Variants in KCND2 observed in about 807,000 individuals in gnomAD.
KCND2 encodes potassium voltage-gated channel subfamily D member 2.
A neutral mutation model predicts 54.4 loss-of-function variants in KCND2; 16 were observed. That is an observed-to-expected ratio of 0.29 (90% CI 0.20 to 0.45). The LOEUF is 0.45. KCND2 is among the 20% of genes least tolerant of loss of function. The pLI is 1.00. For missense variants in KCND2, 486 were observed against 824.2 expected (o/e 0.59, Z 5.02); for synonymous variants, 317 against 310.7 (o/e 1.02, Z -0.21).
At chr7:120,527,441 T>C (rs1470752265) in intron 1 of KCND2, among the ~76,000 whole-genome samples, 3 of 152,166 alleles carry the variant, frequency 2.0e-5, no homozygotes, top group Admixed American at 1.3e-4. Flanking sequence ...TTGCTAAGTA[T>C]ACATTAGCCC....
At position 120,289,067 on chromosome 7, in the gene KCND2, CACACACACACAG is replaced by C. The variant is rs763540820; in HGVS notation, c.1115+13322_1115+13333del. On this transcript the variant is annotated intron_variant, in intron 1 of 5. Coordinates refer to ENST00000331113, the MANE Select transcript of KCND2 (RefSeq NM_012281.3). ...ACACACACACACACACACACACACA[CACACACACACAG>C]AGAGAGAGAGAGAGACTAGGAGAAA... is the stretch of plus-strand genomic sequence containing the variant. Among the ~76,000 whole-genome samples, 202 of 38,380 alleles carry C rather than the reference CACACACACACAG, an allele frequency of 5.3e-3. 1 individual carries two copies. The highest frequency in any genetic ancestry group is 0.02 in the Middle Eastern group (1 of 50). 25.2% of individuals were successfully genotyped at this position (38,380 alleles called of 152,430 possible). A position where few individuals can be genotyped will look rare whatever the true frequency, so the allele number is the denominator to read the frequency against.
chr7:120,324,126 A>G (rs1344224124), intron 1 of KCND2, among the ~76,000 whole-genome samples: 3 of 149,206 alleles, frequency 2.0e-5, no homozygotes, highest in African/African-American at 5.0e-5. Context: ...CATGTCCTTC[A>G]CCCACTTTTT....
At chr7:120,409,073 A>G (rs947136271) in intron 1 of KCND2, among the ~76,000 whole-genome samples, 4 of 151,922 alleles carry the variant, frequency 2.6e-5, no homozygotes, top group Non-Finnish European at 5.9e-5. Flanking sequence ...TCATTGCTAC[A>G]TATTTTAATA....
intron 1 of KCND2, among the ~76,000 whole-genome samples, chr7:120,355,234 C>T (rs1401955804): frequency 6.6e-6 from 1 of 152,156 alleles, no homozygotes; most frequent in African/African-American, 2.4e-5. Context: ...TGTGCCAGAA[C>T]ACTTTCAGTA....
At chr7:120,618,008 C>CA (rs1424398142) in intron 1 of KCND2, among the ~76,000 whole-genome samples, 1 of 151,876 alleles carries the variant, frequency 6.6e-6, no homozygotes, top group East Asian at 1.9e-4. Context: ...AGAGCCTACT[C>CA]AAACAGTGAG....
intron 1 of KCND2, among the ~76,000 whole-genome samples, chr7:120,699,002 C>T (rs150579387): frequency 0.048 from 7,250 of 152,052 alleles, 259 homozygotes; most frequent in Non-Finnish European, 0.07. Context: ...TTAAATCAGC[C>T]GGGCACGGTG....
chr7:120,678,849 G>T (rs1335454343), intron 1 of KCND2, among the ~76,000 whole-genome samples: 3 of 149,892 alleles, frequency 2.0e-5, no homozygotes, highest in Non-Finnish European at 4.5e-5. Context: ...AGCTTGAGTT[G>T]TGTATATGTT....
chr7:120,703,716 T>C (rs1485113059), intron 1 of KCND2, among the ~76,000 whole-genome samples: 1 of 152,100 alleles, frequency 6.6e-6, no homozygotes, highest in Non-Finnish European at 1.5e-5. Context: ...GGAGGAGAAA[T>C]GCTGATACAT....
At chr7:120,447,453 T>C (rs1161837581) in intron 1 of KCND2, among the ~76,000 whole-genome samples, 1 of 151,922 alleles carries the variant, frequency 6.6e-6, no homozygotes, top group Non-Finnish European at 1.5e-5. Context: ...GAAGATGTAA[T>C]ACTTGGAGCT....
intron 1 of KCND2, among the ~76,000 whole-genome samples, chr7:120,456,490 G>C (rs1407619254): frequency 6.6e-6 from 1 of 152,124 alleles, no homozygotes; most frequent in Non-Finnish European, 1.5e-5. Flanking sequence ...ATAGCAACTA[G>C]AGAAATTCAA....
chr7:120,500,085 A>G (rs896607895), intron 1 of KCND2, among the ~76,000 whole-genome samples: 1 of 152,182 alleles, frequency 6.6e-6, no homozygotes, highest in Non-Finnish European at 1.5e-5. Context: ...TCTTAGTCCC[A>G]AATGTTTTAT....
intron 1 of KCND2, among the ~76,000 whole-genome samples, chr7:120,391,706 A>G (rs181473069): frequency 6.6e-6 from 1 of 152,092 alleles, no homozygotes; most frequent in Admixed American, 6.6e-5. Context: ...TGGCCACATA[A>G]ATGTCTTCTT....
chr7:120,344,546 A>G (rs557489528), intron 1 of KCND2, among the ~76,000 whole-genome samples: 1 of 152,334 alleles, frequency 6.6e-6, no homozygotes, highest in Admixed American at 6.5e-5. Context: ...CGACTGAAGG[A>G]TAAGATAGGA....
chr7:120,642,396 T>TAAA (rs35453111), intron 1 of KCND2, among the ~76,000 whole-genome samples: 1 of 99,720 alleles, frequency 1.0e-5, no homozygotes. Context: ...CCTTCTCTAC[T>TAAA]AAAAAAAAAA....
At chr7:120,298,578 T>A (rs1384570932) in intron 1 of KCND2, among the ~76,000 whole-genome samples, 1 of 152,216 alleles carries the variant, frequency 6.6e-6, no homozygotes, top group Non-Finnish European at 1.5e-5. Context: ...TAAAAATAAG[T>A]GTTGAGAACC....
intron 1 of KCND2, among the ~76,000 whole-genome samples, chr7:120,610,610 G>A (rs1006981820): frequency 2.6e-5 from 4 of 152,050 alleles, no homozygotes; most frequent in Admixed American, 6.6e-5. Flanking sequence ...CGGGTCTGCA[G>A]ACTTGTACAA....
Position 120,274,285 on chromosome 7 carries a change from G to A in KCND2, c.-348G>A, listed in dbSNP as rs45474692. 13,357 of 423,640 alleles carry A rather than the reference G, an allele frequency of 0.032. 279 individuals are homozygous for A. Among genetic ancestry groups the A allele is most frequent in the Non-Finnish European group, 0.046 (10,498 of 230,372 alleles). 26.2% of individuals were successfully genotyped at this position (423,640 alleles called of 1,614,324 possible). Reference sequence around the variant, plus strand: ...CCTATATTATCCAGACTGTGCCGGGGAGAAATCAAAAACACCTGTTTGAAG... The same window carrying A: ...CCTATATTATCCAGACTGTGCCGGGAAGAAATCAAAAACACCTGTTTGAAG... On this transcript the variant is annotated 5_prime_UTR_variant, in exon 1 of 6. Coordinates refer to ENST00000331113, the MANE Select transcript of KCND2 (RefSeq NM_012281.3).
rs1792734566 is a variant in KCND2, at chr7:120,595,597, A to ATATATG, written c.1116-137301_1116-137300insGTATAT. 1.4e-5 allele frequency among the ~76,000 whole-genome samples: 2 copies of ATATATG among 144,408 alleles called. 1 individual carries two copies. The highest frequency in any genetic ancestry group is 5.1e-5 in the African/African-American group (2 of 39,552). 94.7% of individuals were successfully genotyped at this position (144,408 alleles called of 152,430 possible). A position where few individuals can be genotyped will look rare whatever the true frequency, so the allele number is the denominator to read the frequency against. On this transcript the variant is annotated intron_variant, in intron 1 of 5. Coordinates refer to ENST00000331113, the MANE Select transcript of KCND2 (RefSeq NM_012281.3). ...TATATATATGTGTGTGTGTGTATAT[A>ATATATG]TATATATATATATATACACCAGAAC...
intron 1 of KCND2, among the ~76,000 whole-genome samples, chr7:120,553,407 T>C (rs1453969756): frequency 6.6e-6 from 1 of 152,226 alleles, no homozygotes; most frequent in East Asian, 1.9e-4. Context: ...AATAATCACA[T>C]TTTTCTTATC....
Sources: gnomAD v4.1 joint callset for allele counts (sites outside exome capture counted in the v4.1 genomes callset) on GRCh38, gnomAD v4.1.1 for gene constraint, MANE v1.5 for transcripts, NCBI Gene and HGNC (gene_info 2026-07-23, HGNC 2026-07-21) for gene names.